The following PAPPA variants were observed in gnomAD, a reference collection of about 807,000 sequenced individuals.
PAPPA encodes pappalysin-1.
A neutral mutation model predicts 164.0 loss-of-function variants in PAPPA; 60 were observed. The ratio of observed to expected loss-of-function variants is 0.37; its 90% confidence interval spans 0.30 to 0.45. PAPPA has a LOEUF of 0.45. Ranked by LOEUF, PAPPA falls within the 20% of genes least tolerant of loss-of-function variation. The probability of loss-of-function intolerance (pLI) is 1.00; values close to 1 mark genes in which losing one functional copy is unlikely to be tolerated. For missense variants in PAPPA, 1,782 were observed against 2,087.3 expected, an observed-to-expected ratio of 0.85 and a Z score of 2.85; for synonymous variants, 875 against 814.1, an observed-to-expected ratio of 1.07 and a Z score of -1.27.
chr9:116,160,319 C>A (rs1452622002), intron 1 of PAPPA, among the ~76,000 whole-genome samples: 1 of 152,186 alleles, frequency 6.6e-6, no homozygotes, highest in African/African-American at 2.4e-5. Context: ...TCATTTTTTC[C>A]AGTGCCATTC....
intron 7 of PAPPA, among the ~76,000 whole-genome samples, chr9:116,250,814 C>G (rs1316406810): frequency 1.3e-5 from 2 of 152,188 alleles, no homozygotes; most frequent in African/African-American, 4.8e-5. Context: ...GAACTTAGCG[C>G]TCCTAATTCC....
chr9:116,344,852 T>A, intron 14 of PAPPA, 141 bp downstream of exon 14: 1 of 673,172 alleles, frequency 1.5e-6, no homozygotes, highest in Non-Finnish European at 2.5e-6. Flanking sequence ...ATTTATTGAT[T>A]AAATGAATGC....
chr9:116,170,032 G>A (rs995822115), intron 1 of PAPPA, among the ~76,000 whole-genome samples: 1 of 152,052 alleles, frequency 6.6e-6, no homozygotes, highest in African/African-American at 2.4e-5. Flanking sequence ...TTTTGCACTT[G>A]GGTTCAGAAG....
At position 116,257,398 on chromosome 9, in the gene PAPPA, G is replaced by C. The variant is rs1844940460; in HGVS notation, c.2733-8459G>C. 1.3e-5 allele frequency among the ~76,000 whole-genome samples: 2 copies of C among 151,892 alleles called. 1 individual carries two copies. The highest frequency in any genetic ancestry group is 4.8e-5 in the African/African-American group (2 of 41,408). ...CATTGGTCTCCTACCTAGCGCAGCT[G>C]GACAAAAAATAAAAACAAAAGGCTG... is the stretch of plus-strand genomic sequence containing the variant. On this transcript the variant is annotated intron_variant, in intron 7 of 21. Transcript: ENST00000328252.
At chr9:116,216,737 C>T (rs1844377039) in intron 4 of PAPPA, among the ~76,000 whole-genome samples, 1 of 151,330 alleles carries the variant, frequency 6.6e-6, no homozygotes, top group Non-Finnish European at 1.5e-5. Context: ...TCGACTTCAG[C>T]TTTTTTTTTA....
intron 20 of PAPPA, among the ~76,000 whole-genome samples, chr9:116,379,841 G>A (rs1200127277): frequency 6.6e-6 from 1 of 152,158 alleles, no homozygotes; most frequent in African/African-American, 2.4e-5. Flanking sequence ...GATCTTGAAG[G>A]ATGGTTTGTT....
Position 116,400,108 on chromosome 9 carries a change from C to G in PAPPA, c.*3492C>G, listed in dbSNP as rs1393144387. On this transcript the variant is annotated 3_prime_UTR_variant, in exon 22 of 22. Transcript: ENST00000328252. ...TGAGGTTTTGTGTTTTTTTCTGGAA[C>G]TACTTCAAGTGAGAAAATAAAAAAA... The G allele has an allele frequency of 6.6e-6, 1 of 151,724 alleles. No individual in the cohort carries two copies. Among genetic ancestry groups the G allele is most frequent in the Non-Finnish European group, 1.5e-5 (1 of 67,922 alleles). The allele number at this position is 151,724 out of a possible 1,614,324, so 9.4% of individuals were successfully genotyped here.
At chr9:116,260,743 TA>T (rs34078778) in intron 7 of PAPPA, among the ~76,000 whole-genome samples, 27,677 of 150,014 alleles carry the variant, frequency 0.18, 2,640 homozygotes, top group Middle Eastern at 0.31. Context: ...CTTTCATAGT[TA>T]AAAAAAAAAT....
At chr9:116,254,232 G>A (rs1041405657) in intron 7 of PAPPA, among the ~76,000 whole-genome samples, 1 of 152,118 alleles carries the variant, frequency 6.6e-6, no homozygotes, top group African/African-American at 2.4e-5. Context: ...GGACCATAAT[G>A]TGTTCATCTT....
intron 7 of PAPPA, among the ~76,000 whole-genome samples, chr9:116,265,314 G>A (rs982221911): frequency 3.9e-5 from 6 of 152,016 alleles, no homozygotes; most frequent in African/African-American, 9.7e-5. Context: ...TTATTTTGTC[G>A]AGAGTGAAAG....
At chr9:116,352,683 C>T in intron 15 of PAPPA, 23 bp from the exon 16 acceptor site, 2 of 1,600,526 alleles carry the variant, frequency 1.2e-6, no homozygotes, top group Non-Finnish European at 1.7e-6. Context: ...CCTCCTCTAA[C>T]CCTGCTTGCC....
chr9:116,187,364 A>G lies in PAPPA; in HGVS notation c.626A>G (p.Lys209Arg). The G allele has an allele frequency of 6.2e-7, 1 of 1,614,094 alleles. No individual in the cohort carries two copies. Among genetic ancestry groups the G allele is most frequent in the African/African-American group, 1.3e-5 (1 of 75,026 alleles). ...LAATYDGQFMKLYVNGAQVAT... is the reference protein window; with the variant it reads ...LAATYDGQFMRLYVNGAQVAT... ...GCCACCTATGATGGGCAGTTCATGA[A>G]GCTCTATGTGAATGGTGCCCAGGTG... The change falls in exon 2 of 22, where the codon AAG becomes AGG. Residue 209 changes from lysine to arginine, a missense_variant. This residue lies in a region of PAPPA where 458 missense variants were observed against 430.3 expected (regional missense o/e 1.06). Coordinates refer to ENST00000328252, the MANE Select transcript of PAPPA (RefSeq NM_002581.5). The surrounding 1 kb of genome is among the most constrained non-coding windows in gnomAD (Gnocchi z 4.2).
intron 7 of PAPPA, among the ~76,000 whole-genome samples, chr9:116,241,395 C>G (rs532550553): frequency 6.6e-6 from 1 of 152,148 alleles, no homozygotes; most frequent in Non-Finnish European, 1.5e-5. Flanking sequence ...CAGGAAAGTC[C>G]TCTCTGATGA....
At chr9:116,220,174 C>T in intron 5 of PAPPA, 45 bp downstream of exon 5, 3 of 1,432,538 alleles carry the variant, frequency 2.1e-6, no homozygotes, top group Non-Finnish European at 2.9e-6. Flanking sequence ...CTCTCTCCTG[C>T]CAAGAAGAAG....
rs1023299747 is a variant in PAPPA, at chr9:116,399,062, A to T, written c.*2446A>T. ...AAAGCTCTGAAGACCCAAAGATGAC[A>T]TTACTAATGATGTGATTTCAGGAGC... On this transcript the variant is annotated 3_prime_UTR_variant, in exon 22 of 22. Coordinates refer to ENST00000328252, the MANE Select transcript of PAPPA (RefSeq NM_002581.5). 1.7e-5 allele frequency: 3 copies of T among 175,670 alleles called. No homozygotes were observed. Among genetic ancestry groups the T allele is most frequent in the African/African-American group, 4.8e-5 (2 of 41,718 alleles). 10.9% of individuals were successfully genotyped at this position (175,670 alleles called of 1,614,324 possible). A position where few individuals can be genotyped will look rare whatever the true frequency, so the allele number is the denominator to read the frequency against.
chr9:116,158,207 CT>C lies in PAPPA; in HGVS notation c.415+3627del, dbSNP rs542362561. Among the ~76,000 whole-genome samples, 361 of 152,232 alleles carry C rather than the reference CT, an allele frequency of 2.4e-3. 3 individuals carry two copies. The highest frequency in any genetic ancestry group is 8.1e-3 in the African/African-American group (338 of 41,528). ...AAGTGTGCTGGTTACTCCCAAGAATCTTTTTTTCCTTCCCTTCTGCACCCCC... is the reference window on the plus strand; with the variant it reads ...AAGTGTGCTGGTTACTCCCAAGAATCTTTTTTCCTTCCCTTCTGCACCCCC... On this transcript the variant is annotated intron_variant, in intron 1 of 21. Coordinates refer to ENST00000328252, the MANE Select transcript of PAPPA (RefSeq NM_002581.5).
At chr9:116,374,127 AAAG>A (rs1281632181) in intron 19 of PAPPA, among the ~76,000 whole-genome samples, 1 of 148,900 alleles carries the variant, frequency 6.7e-6, no homozygotes, top group Non-Finnish European at 1.5e-5. Context: ...ATGATGATAA[AAAG>A]AAGATGGTGC....
At chr9:116,304,850 T>G (rs1845623972) in intron 10 of PAPPA, among the ~76,000 whole-genome samples, 1 of 152,146 alleles carries the variant, frequency 6.6e-6, no homozygotes, top group Non-Finnish European at 1.5e-5. Context: ...TCGACTAGGT[T>G]CCATTACTCT....
At chr9:116,325,594 A>G (rs1055224458) in intron 10 of PAPPA, among the ~76,000 whole-genome samples, 1 of 152,164 alleles carries the variant, frequency 6.6e-6, no homozygotes, top group African/African-American at 2.4e-5. Flanking sequence ...CAAGTGGACA[A>G]GGGGTCACTT....
Sources: allele counts gnomAD v4.1 joint callset (sites outside exome capture counted in the v4.1 genomes callset), GRCh38; gene constraint gnomAD v4.1.1; regional missense constraint gnomAD v4.1.1; non-coding constraint Gnocchi (gnomAD v3.1); transcripts MANE v1.5; gene names NCBI Gene and HGNC (gene_info 2026-07-23, HGNC 2026-07-21).